CERK: variants seen among roughly 807,000 people sequenced by gnomAD.
The protein encoded by CERK is ceramide kinase.
A neutral mutation model predicts 63.4 loss-of-function variants in CERK; 39 were observed. The observed-to-expected ratio is 0.61, with a 90% CI of 0.48 to 0.80. The LOEUF (loss-of-function observed/expected upper bound fraction) is 0.80, where lower values mean the gene tolerates loss of function less well. Ranked by LOEUF, CERK falls within the 30% of genes least tolerant of loss-of-function variation. CERK has a pLI of 0.00. For missense variants in CERK, 670 were observed against 714.1 expected (o/e 0.94, Z 0.70); for synonymous variants, 302 against 280.0 (o/e 1.08, Z -0.78).
At chr22:46,720,035 A>T in intron 3 of CERK, 51 bp downstream of exon 3, 1 of 1,593,108 alleles carries the variant, frequency 6.3e-7, no homozygotes, top group Non-Finnish European at 8.6e-7. Context: ...CCAATCAGGC[A>T]TGCGCATGCC....
intron 12 of CERK, among the ~76,000 whole-genome samples, chr22:46,688,745 G>A (rs1006969128): frequency 8.5e-5 from 13 of 152,242 alleles, no homozygotes; most frequent in Admixed American, 7.9e-4. Context: ...ACAGGCGTGG[G>A]CCTGCTGACC....
intron 3 of CERK, among the ~76,000 whole-genome samples, chr22:46,719,777 T>C (rs2082882926): frequency 6.6e-6 from 1 of 152,236 alleles, no homozygotes; most frequent in Non-Finnish European, 1.5e-5. Context: ...ACCTCGAATG[T>C]AAAAGCTATT....
intron 3 of CERK, among the ~76,000 whole-genome samples, chr22:46,718,463 A>G (rs145036740): frequency 6.6e-6 from 1 of 152,296 alleles, no homozygotes; most frequent in East Asian, 1.9e-4. Context: ...CGACATGCAG[A>G]GGAACGGGGC....
At chr22:46,699,239 TTCAG>T in intron 8 of CERK, 70 bp downstream of exon 8, 1 of 1,473,792 alleles carries the variant, frequency 6.8e-7, no homozygotes, top group South Asian at 1.2e-5. Flanking sequence ...GCTCAGTGGA[TTCAG>T]TCAGGTAACA....
intron 3 of CERK, among the ~76,000 whole-genome samples, chr22:46,717,660 A>G (rs1359913889): frequency 6.6e-6 from 1 of 152,210 alleles, no homozygotes; most frequent in East Asian, 1.9e-4. Flanking sequence ...CCCTTTGGGG[A>G]GTCATGACCA....
At chr22:46,687,779 G>A (rs542742058) in intron 12 of CERK, among the ~76,000 whole-genome samples, 3 of 152,286 alleles carry the variant, frequency 2.0e-5, no homozygotes, top group East Asian at 1.9e-4. Context: ...CCAGGGGCTC[G>A]GTGGCCACAG....
intron 3 of CERK, among the ~76,000 whole-genome samples, chr22:46,713,688 T>C (rs135703): frequency 0.73 from 110,066 of 151,624 alleles, 40,267 homozygotes; most frequent in Non-Finnish European, 0.77. Context: ...AGCAAACTAC[T>C]GGGTGCGACC....
At chr22:46,692,153 G>A (rs1440433593) in intron 10 of CERK, among the ~76,000 whole-genome samples, 6 of 152,216 alleles carry the variant, frequency 3.9e-5, no homozygotes, top group East Asian at 1.9e-4. Flanking sequence ...AAGGTCTGGC[G>A]CGGTGGCTCA....
chr22:46,699,881 G>C (rs951977156), intron 7 of CERK, among the ~76,000 whole-genome samples: 1 of 152,260 alleles, frequency 6.6e-6, no homozygotes, highest in African/African-American at 2.4e-5. Flanking sequence ...CTGAGGTCAG[G>C]AATTTGAGAC....
rs2082716028 is a variant in CERK at position 46,688,823 on chromosome 22, G to C, written c.1541+1169C>G. Among the ~76,000 whole-genome samples the C allele has an allele frequency of 1.3e-5, 2 of 152,354 alleles. 1 individual carries two copies. Among genetic ancestry groups the C allele is most frequent in the South Asian group, 4.1e-4 (2 of 4,830 alleles). Reference sequence around the variant, plus strand: ...CGTCAAGCTGGGCTTCCTTGAAGTAGACCGAGCTCTTACCAACATCTGCCA... The same window carrying C: ...CGTCAAGCTGGGCTTCCTTGAAGTACACCGAGCTCTTACCAACATCTGCCA... On this transcript the variant is annotated intron_variant, in intron 12 of 12. Transcript: ENST00000216264.
intron 7 of CERK, among the ~76,000 whole-genome samples, 173 bp downstream of exon 7, chr22:46,701,463 G>C (rs913912807): frequency 4.6e-5 from 7 of 152,276 alleles, no homozygotes; most frequent in African/African-American, 1.7e-4. Context: ...TGGCCTCGGA[G>C]CTGCGTGCTG....
At chr22:46,692,261 A>C (rs956309689) in intron 10 of CERK, among the ~76,000 whole-genome samples, 3 of 149,184 alleles carry the variant, frequency 2.0e-5, no homozygotes, top group African/African-American at 7.4e-5. Context: ...AACCATCTCT[A>C]CTAAAAATAC....
intron 1 of CERK, among the ~76,000 whole-genome samples, chr22:46,737,772 C>G (rs2082982457): frequency 6.6e-6 from 1 of 152,122 alleles, no homozygotes; most frequent in Admixed American, 6.5e-5. Flanking sequence ...GGCCTCCCCT[C>G]CACTGCGCGG....
chr22:46,702,219 ATATATGTGTGTGTGTG>A lies in CERK; in HGVS notation c.716-525_716-510del, dbSNP rs1451055652. 2.5e-4 allele frequency among the ~76,000 whole-genome samples: 24 copies of A among 97,210 alleles called. 1 individual carries two copies. Among genetic ancestry groups the A allele is most frequent in the African/African-American group, 8.9e-4 (19 of 21,264 alleles). 63.8% of individuals were successfully genotyped at this position (97,210 alleles called of 152,430 possible). On this transcript the variant is annotated intron_variant, in intron 6 of 12. Transcript: ENST00000216264. ...AGGAGCCAAAAAGTTAAAAAAATAT[ATATATGTGTGTGTGTG>A]TGTGTGTGTGTGTGTGTGTGTGTGT...
chr22:46,694,526 G>A lies in CERK; in HGVS notation c.1049+684C>T, dbSNP rs535219819. Among the ~76,000 whole-genome samples the A allele has an allele frequency of 3.5e-3, 533 of 152,180 alleles. 1 individual carries two copies. The highest frequency in any genetic ancestry group is 5.2e-3 in the Non-Finnish European group (352 of 67,996). The stretch of plus-strand genomic sequence containing the variant: ...TGTCTGCACTCAGCCTCCCCTCCCC[G>A]GTGGGGCGCCTCTTTCCCTTTGCAT... On this transcript the variant is annotated intron_variant, in intron 9 of 12. Transcript: ENST00000216264.
At position 46,699,219 on chromosome 22, in the gene CERK, C is replaced by T. The variant is rs2082771062; in HGVS notation, c.943+94G>A. On this transcript the variant is annotated intron_variant, in intron 8 of 12. Coordinates refer to ENST00000216264, the MANE Select transcript of CERK (RefSeq NM_022766.6). ...CGTCTGTGAGCAGGTGGGGGCCCAC[C>T]TCTGACGGTGCTCAGTGGATTCAGT... 3.7e-6 allele frequency: 5 copies of T among 1,346,534 alleles called. No individual in the cohort carries two copies. The South Asian group carries it at 6.5e-5, about 17-fold the overall frequency. 83.4% of individuals were successfully genotyped at this position (1,346,534 alleles called of 1,614,324 possible). A position where few individuals can be genotyped will look rare whatever the true frequency, so the allele number is the denominator to read the frequency against.
chr22:46,708,018 C>G (rs575304645), intron 5 of CERK, 30 bp from the exon 6 acceptor site: 3 of 1,576,776 alleles, frequency 1.9e-6, no homozygotes, highest in South Asian at 1.1e-5. Context: ...GGTCAGGGCT[C>G]CTGCAGGTGC....
chr22:46,700,745 C>T (rs1023754892), intron 7 of CERK, among the ~76,000 whole-genome samples: 1 of 151,112 alleles, frequency 6.6e-6, no homozygotes, highest in African/African-American at 2.4e-5. Flanking sequence ...GGTGCTGTGG[C>T]TTACGCCTGT....
intron 9 of CERK, among the ~76,000 whole-genome samples, chr22:46,694,699 G>T (rs2082747492): frequency 6.6e-6 from 1 of 152,178 alleles, no homozygotes; most frequent in Non-Finnish European, 1.5e-5. Flanking sequence ...CTTAGAGTGG[G>T]CTCCTGCCTT....
Sources: gnomAD v4.1 joint callset for allele counts (sites outside exome capture counted in the v4.1 genomes callset) on GRCh38, gnomAD v4.1.1 for gene constraint, MANE v1.5 for transcripts, NCBI Gene and HGNC (gene_info 2026-07-23, HGNC 2026-07-21) for gene names.